The following MYO1F variants were observed in gnomAD, a reference collection of about 807,000 sequenced individuals.
MYO1F encodes the protein unconventional myosin-If.
Under a neutral mutation model 146.6 loss-of-function variants are expected in MYO1F, and 60 were observed. The ratio of observed to expected loss-of-function variants is 0.41; its 90% CI spans 0.33 to 0.51. The LOEUF is 0.51. MYO1F is among the 20% of genes least tolerant of loss of function. The probability of loss-of-function intolerance (pLI) is 0.25; values close to 1 mark genes in which losing one functional copy is unlikely to be tolerated. For missense variants in MYO1F, 1,274 were observed against 1,534.3 expected (o/e 0.83, Z 2.83); for synonymous variants, 602 against 602.1 (o/e 1.00, Z 0.00).
chr19:8,527,168 T>C (rs1480155093), intron 22 of MYO1F, among the ~76,000 whole-genome samples, 170 bp downstream of exon 22: 1 of 151,934 alleles, frequency 6.6e-6, no homozygotes, highest in Non-Finnish European at 1.5e-5. Flanking sequence ...GGATTTGGCA[T>C]CTAAGGATCA....
At chr19:8,529,858 A>G in intron 21 of MYO1F, 1 of 484,412 alleles carries the variant, frequency 2.1e-6, no homozygotes, top group South Asian at 2.0e-5. Context: ...GATGGAACAG[A>G]TTGATCTAGG....
Position 8,521,134 on chromosome 19 carries a change from G to A in MYO1F, c.*394C>T, listed in dbSNP as rs1972049165. 8 of 330,432 alleles carry A rather than the reference G, an allele frequency of 2.4e-5. No homozygotes were observed. The highest frequency in any genetic ancestry group is 4.8e-5 in the Non-Finnish European group (8 of 168,374). The allele number at this position is 330,432 out of a possible 1,614,324, so 20.5% of individuals were successfully genotyped here. On this transcript the variant is annotated 3_prime_UTR_variant, in exon 28 of 28. Coordinates refer to ENST00000644032, the MANE Select transcript of MYO1F (RefSeq NM_012335.4). The stretch of plus-strand genomic sequence containing the variant: ...TGCTTTCACCTGGCAAAGGTTTATT[G>A]CCTTAGTGATGACAGAATGAGCAAA...
Position 8,526,828 on chromosome 19 carries a change from T to G in MYO1F, c.2582A>C (p.Glu861Ala). The G allele has an allele frequency of 6.2e-7, 1 of 1,613,534 alleles. No homozygotes were observed. The part of the protein sequence containing the change: ...FVSLLCKRFE[E>A]ATRRPLPLTF... ...GAGGGGCAGGGGCCTCCGCGTCGCCTCCTCGAAGCGCTTGCACAGAAGGCT... is the reference window on the plus strand; with the variant it reads ...GAGGGGCAGGGGCCTCCGCGTCGCCGCCTCGAAGCGCTTGCACAGAAGGCT... Residue 861 changes from glutamate (E) to alanine (A), a missense_variant, in exon 23 of 28, where the codon GAG becomes GCG. Glu to Ala is a moderately radical substitution (Grantham distance 107). Transcript: ENST00000644032.
At chr19:8,557,212 G>T (rs915896879) in intron 1 of MYO1F, among the ~76,000 whole-genome samples, 1 of 152,118 alleles carries the variant, frequency 6.6e-6, no homozygotes, top group Non-Finnish European at 1.5e-5. Flanking sequence ...TTGAGCCCAG[G>T]ATGTGGAGGT....
At position 8,530,444 on chromosome 19, in the gene MYO1F, C is replaced by T. The variant is rs774797982; in HGVS notation, c.2158+15G>A. ...TTGTGCCCCCACCCCGCGCCGTTTACCCGAAGCCTCTCACCTTCCTCCCGC... is the reference window on the plus strand; with the variant it reads ...TTGTGCCCCCACCCCGCGCCGTTTATCCGAAGCCTCTCACCTTCCTCCCGC... On this transcript the variant is annotated intron_variant, in intron 20 of 27. Transcript: ENST00000644032. The surrounding 1 kb of genome is among the most constrained non-coding windows in gnomAD (Gnocchi z 5.8). 1.2e-6 allele frequency: 2 copies of T among 1,613,708 alleles called. No individual in the cohort carries two copies. Among genetic ancestry groups the T allele is most frequent in the South Asian group, 2.2e-5 (2 of 91,090 alleles).
In MYO1F at chr19:8,530,110, T is replaced by G. The variant is rs1972418585; in HGVS notation, c.2328+86A>C. ...ACAGATGGATCTAGGCTGGGGGATA[T>G]CTGGCTGTGGGCAGGTGCATCTGGG... is the stretch of plus-strand genomic sequence containing the variant. On this transcript the variant is annotated intron_variant, in intron 21 of 27. Transcript: ENST00000644032. This position sits in a 1 kb window ranked among gnomAD's most constrained non-coding sequence, Gnocchi z 5.8. 2 of 1,559,680 alleles carry G rather than the reference T, an allele frequency of 1.3e-6. No homozygotes were observed.
At chr19:8,533,498 G>A (rs1972579446) in intron 19 of MYO1F, among the ~76,000 whole-genome samples, 1 of 151,930 alleles carries the variant, frequency 6.6e-6, no homozygotes, top group Non-Finnish European at 1.5e-5. Flanking sequence ...GGGACTACAG[G>A]CGCCCGCCAC....
chr19:8,522,199 T>G (rs1972086576), intron 27 of MYO1F, among the ~76,000 whole-genome samples, 178 bp downstream of exon 27: 1 of 152,098 alleles, frequency 6.6e-6, no homozygotes, highest in Non-Finnish European at 1.5e-5. Context: ...ATTTTTTGTA[T>G]TTTTAGTAGA....
Position 8,551,803 on chromosome 19 carries a change from G to C in MYO1F, c.708C>G (p.Leu236=). ...GLMTPDYYYY[L]NQSDTYQVDG... ...CCACCTGGTAGGTGTCCGATTGGTT[G>C]AGGTAGTAATAGTAGTCCGGTGTCA... The change falls in exon 8 of 28, where the codon CTC becomes CTG. Residue 236 remains leucine, a synonymous_variant. Transcript: ENST00000644032. 1 of 1,614,154 alleles carries C rather than the reference G, an allele frequency of 6.2e-7. No homozygotes were observed. Among genetic ancestry groups the C allele is most frequent in the Non-Finnish European group, 8.5e-7 (1 of 1,180,042 alleles).
chr19:8,564,254 G>A (rs1042293799), intron 1 of MYO1F, among the ~76,000 whole-genome samples: 7 of 152,146 alleles, frequency 4.6e-5, no homozygotes, highest in African/African-American at 1.4e-4. Flanking sequence ...GGTGTCAGGC[G>A]CCTGTAATCC....
rs10422681 is a variant in MYO1F, at chr19:8,526,035, G to A, written c.2770+418C>T. Reference sequence around the variant, plus strand: ...AATTGGTTGCGGCCTTTGTTTAAAAGTCTGTCTCTCTGGCCGGGCGCAGTG... The same window carrying A: ...AATTGGTTGCGGCCTTTGTTTAAAAATCTGTCTCTCTGGCCGGGCGCAGTG... On this transcript the variant is annotated intron_variant, in intron 24 of 27. Transcript: ENST00000644032. Among the ~76,000 whole-genome samples the A allele has an allele frequency of 7.7e-3, 1,174 of 152,148 alleles. 17 individuals carry two copies. The highest frequency in any genetic ancestry group is 0.027 in the African/African-American group (1,119 of 41,496).
At chr19:8,567,375 AT>A (rs958633901) in intron 1 of MYO1F, among the ~76,000 whole-genome samples, 1 of 145,202 alleles carries the variant, frequency 6.9e-6, no homozygotes, top group Non-Finnish European at 1.5e-5. Flanking sequence ...CACTGGGTCT[AT>A]TTTTTTTTGA....
chr19:8,555,405 A>G, intron 2 of MYO1F: 5 of 370,616 alleles, frequency 1.3e-5, no homozygotes, highest in East Asian at 5.2e-5. Flanking sequence ...AAAAAAAAAA[A>G]AGAACAAACA....
intron 4 of MYO1F, among the ~76,000 whole-genome samples, chr19:8,554,274 G>A (rs930155303): frequency 6.6e-6 from 1 of 152,066 alleles, no homozygotes; most frequent in African/African-American, 2.4e-5. Context: ...ACATTTAGAG[G>A]GGACAGACAG....
chr19:8,539,950 G>A lies in MYO1F; in HGVS notation c.1689C>T (p.Ile563=). The A allele has an allele frequency of 6.2e-7, 1 of 1,612,704 alleles. No individual in the cohort carries two copies. ...CCGTTGTACACCCCAGGCCCACCTT[G>A]ATCTTGGAGCCGGCGGTGCTGGGGC... ...KGRPSTAGSK[I]KKQANDLVAT... The change falls in exon 16 of 28, where the codon ATC becomes ATT. Residue 563 remains isoleucine (I), a synonymous_variant. Coordinates refer to ENST00000644032, the MANE Select transcript of MYO1F (RefSeq NM_012335.4).
intron 21 of MYO1F, among the ~76,000 whole-genome samples, chr19:8,528,267 G>C (rs1262261527): frequency 6.6e-6 from 1 of 151,522 alleles, no homozygotes; most frequent in African/African-American, 2.4e-5. Context: ...GGTGGCACAC[G>C]CCTGTAATCC....
In MYO1F at chr19:8,553,239, G is replaced by A. The variant is rs753590244; in HGVS notation, c.415-11C>T. 1 of 1,614,112 alleles carries A rather than the reference G, an allele frequency of 6.2e-7. No homozygotes were observed. Among genetic ancestry groups the A allele is most frequent in the Non-Finnish European group, 8.5e-7 (1 of 1,179,970 alleles). On this transcript the variant is annotated splice_polypyrimidine_tract_variant and intron_variant, in intron 5 of 27. Transcript: ENST00000644032. ...GATATCTTTGACGTGCTGGGGCAGA[G>A]GCAGGTGGAGTGGGAAGAAGTCAGA...
chr19:8,544,438 C>G lies in MYO1F; in HGVS notation c.1383G>C (p.Leu461Phe), dbSNP rs750119331. The G allele has an allele frequency of 6.2e-6, 10 of 1,611,508 alleles. No homozygotes were observed. The Admixed American group carries it at 1.7e-4, about 27-fold the overall frequency. Reference sequence around the variant, plus strand: ...CGTGCATGGTGGCGCACACGTCGTCCAAGACGCTCATGATGCCTGGGGGGC... The same window carrying G: ...CGTGCATGGTGGCGCACACGTCGTCGAAGACGCTCATGATGCCTGGGGGGC... Reference protein sequence around the residue: ...KLSPPGIMSVLDDVCATMHAT... With the variant: ...KLSPPGIMSVFDDVCATMHAT... Residue 461 changes from leucine to phenylalanine, a missense_variant, in exon 14 of 28, where the codon TTG (leucine) becomes TTC (phenylalanine). Physicochemically the swap from Leu to Phe is conservative, Grantham distance 22 (BLOSUM62 0). Coordinates refer to ENST00000644032, the MANE Select transcript of MYO1F (RefSeq NM_012335.4).
chr19:8,540,046 G>A lies in MYO1F; in HGVS notation c.1611-18C>T. 6.2e-7 allele frequency: 1 copy of A among 1,602,728 alleles called. No individual in the cohort carries two copies. The highest frequency in any genetic ancestry group is 8.5e-7 in the Non-Finnish European group (1 of 1,171,846). ...GGAAGGCCCTGGGTAGGAAAGGGGA[G>A]AGGAGGAGTTGGAGGTATGGCTAGA... is the stretch of plus-strand genomic sequence containing the variant. On this transcript the variant is annotated intron_variant, in intron 15 of 27. Transcript: ENST00000644032.
Sources: allele counts gnomAD v4.1 joint callset (sites outside exome capture counted in the v4.1 genomes callset), GRCh38; gene constraint gnomAD v4.1.1; non-coding constraint Gnocchi (gnomAD v3.1); transcripts MANE v1.5; gene names NCBI Gene and HGNC (gene_info 2026-07-23, HGNC 2026-07-21).